The following RBKS variants were observed in gnomAD, a reference collection of about 807,000 sequenced individuals.
RBKS encodes the protein ribokinase.
In RBKS, 33 loss-of-function variants were observed where a neutral mutation model predicts 33.9. The observed-to-expected ratio is 0.97, with a 90% CI of 0.74 to 1.30. The LOEUF is 1.30. RBKS is among the 50% of genes most tolerant of loss of function. RBKS has a pLI of 0.00. For synonymous variants in RBKS, 125 were observed against 143.0 expected, an observed-to-expected ratio of 0.87 and a Z score of 0.90; for missense variants, 361 against 392.6, an observed-to-expected ratio of 0.92 and a Z score of 0.68.
chr2:27,890,265 G>C lies in RBKS; in HGVS notation c.81C>G (p.Asp27Glu). Residue 27 changes from aspartate to glutamate, a missense_variant, in exon 1 of 8, where the codon GAC becomes GAG. Asp to Glu is a conservative substitution (Grantham distance 45). Transcript: ENST00000302188. This position sits in a 1 kb window ranked among gnomAD's most constrained non-coding sequence, Gnocchi z 4.8. ...ACTGGCCCCGGACTAACCTGACCAG[G>C]TCGGTCATGCAGGAGCCCACCACTA... Reference protein sequence around the residue: ...AVVVVGSCMTDLVSLTSRLPK... With the variant: ...AVVVVGSCMTELVSLTSRLPK... 1 of 1,613,658 alleles carries C rather than the reference G, an allele frequency of 6.2e-7. No individual in the cohort carries two copies.
intron 1 of RBKS, among the ~76,000 whole-genome samples, chr2:27,864,998 C>G (rs879848466): frequency 1.3e-5 from 2 of 152,226 alleles, no homozygotes; most frequent in African/African-American, 2.4e-5. Context: ...CTCCACAGGT[C>G]TTTAACTTCC....
chr2:27,830,771 A>G (rs1405721652), intron 6 of RBKS, among the ~76,000 whole-genome samples: 3 of 152,182 alleles, frequency 2.0e-5, no homozygotes, highest in Non-Finnish European at 4.4e-5. Context: ...CACTGTGCCA[A>G]TGACAATCTT....
chr2:27,871,703 G>A (rs1259328888), intron 1 of RBKS, among the ~76,000 whole-genome samples: 1 of 152,178 alleles, frequency 6.6e-6, no homozygotes, highest in Non-Finnish European at 1.5e-5. Context: ...GCTACCAGAT[G>A]CAGCTGTACA....
chr2:27,880,469 G>C (rs1229108431), intron 1 of RBKS, among the ~76,000 whole-genome samples: 4 of 152,170 alleles, frequency 2.6e-5, no homozygotes, highest in African/African-American at 7.2e-5. Context: ...AGTAGGAAGA[G>C]AGGAAGTCAA....
intron 7 of RBKS, among the ~76,000 whole-genome samples, chr2:27,819,296 G>A (rs905965291): frequency 2.0e-5 from 3 of 152,066 alleles, no homozygotes; most frequent in Non-Finnish European, 4.4e-5. Flanking sequence ...GAGAGAGAGA[G>A]AAAAAGGGAG....
chr2:27,847,509 G>A (rs1314642450), intron 3 of RBKS, among the ~76,000 whole-genome samples: 1 of 152,162 alleles, frequency 6.6e-6, no homozygotes, highest in South Asian at 2.1e-4. Flanking sequence ...TCATAAGCTT[G>A]TTATTTCACC....
intron 5 of RBKS, among the ~76,000 whole-genome samples, chr2:27,835,516 T>A (rs1454258814): frequency 8.0e-6 from 1 of 124,832 alleles, no homozygotes; most frequent in African/African-American, 3.1e-5. Context: ...CCTCCCAGAC[T>A]CAAGTGATCC....
chr2:27,810,310 G>A lies in RBKS; in HGVS notation c.795+17257C>T, dbSNP rs1339019239. The stretch of plus-strand genomic sequence containing the variant: ...GGGCAAGTATCTGAACTAGCATTAT[G>A]TTGCAAAAGAGTTACCTTCAAATGT... On this transcript the variant is annotated intron_variant, in intron 7 of 7. Transcript: ENST00000302188. This position sits in a 1 kb window ranked among gnomAD's most constrained non-coding sequence, Gnocchi z 4.4. 6.6e-6 allele frequency among the ~76,000 whole-genome samples: 1 copy of A among 152,134 alleles called. No individual in the cohort carries two copies. The highest frequency in any genetic ancestry group is 1.5e-5 in the Non-Finnish European group (1 of 68,020).
Position 27,890,189 on chromosome 2 carries a change from CTGGGCGCA to C in RBKS, c.89+60_89+67del. The C allele has an allele frequency of 6.7e-7, 1 of 1,488,234 alleles. No homozygotes were observed. Among genetic ancestry groups the C allele is most frequent in the Non-Finnish European group, 9.3e-7 (1 of 1,074,656 alleles). 92.2% of individuals were successfully genotyped at this position (1,488,234 alleles called of 1,614,324 possible). A position where few individuals can be genotyped will look rare whatever the true frequency, so the allele number is the denominator to read the frequency against. On this transcript the variant is annotated intron_variant, in intron 1 of 7. Coordinates refer to ENST00000302188, the MANE Select transcript of RBKS (RefSeq NM_022128.3). The surrounding 1 kb of genome is among the most constrained non-coding windows in gnomAD (Gnocchi z 4.8). ...GGAGACCCAGCGCCCAAAAGCTCCA[CTGGGCGCA>C]TAGCGCACGGCACGCCTCCTCCCCC...
chr2:27,813,819 C>T (rs141214235), intron 7 of RBKS, among the ~76,000 whole-genome samples: 116 of 152,190 alleles, frequency 7.6e-4, no homozygotes, highest in African/African-American at 2.7e-3. Flanking sequence ...AGAAGAGTCA[C>T]GAGCAGTATA....
chr2:27,838,933 TA>T (rs1274945156), intron 5 of RBKS, among the ~76,000 whole-genome samples: 3 of 152,218 alleles, frequency 2.0e-5, no homozygotes, highest in Non-Finnish European at 4.4e-5. Context: ...AGCAGTTGTA[TA>T]GGCTAAAAGG....
intron 1 of RBKS, among the ~76,000 whole-genome samples, chr2:27,876,682 T>A (rs1243952877): frequency 6.6e-6 from 1 of 152,120 alleles, no homozygotes; most frequent in Non-Finnish European, 1.5e-5. Context: ...AGGGAGTTAT[T>A]GTTTAATAAG....
chr2:27,827,640 C>G lies in RBKS; in HGVS notation c.722G>C (p.Cys241Ser), dbSNP rs776420992. Residue 241 changes from cysteine (C) to serine (S), a missense_variant, in exon 7 of 8, where the codon TGT becomes TCT. By Grantham distance (112) the Cys-to-Ser change is moderately radical. Coordinates refer to ENST00000302188, the MANE Select transcript of RBKS (RefSeq NM_022128.3). ...VVIITLGAEG[C>S]VVLSQTEPEP... The stretch of plus-strand genomic sequence containing the variant: ...AGGTTCTGTCTGTGACAGCACCACA[C>G]ATCCTTCAGCCCCTAAGGTAATGAT... 6.2e-7 allele frequency: 1 copy of G among 1,613,946 alleles called. No homozygotes were observed. Among genetic ancestry groups the G allele is most frequent in the Non-Finnish European group, 8.5e-7 (1 of 1,179,930 alleles).
intron 1 of RBKS, chr2:27,861,540 G>A (rs1456731479): frequency 4.2e-6 from 2 of 471,020 alleles, no homozygotes; most frequent in Non-Finnish European, 8.8e-6. Flanking sequence ...GTGTCCTGAT[G>A]TATCTCCTAC....
intron 1 of RBKS, among the ~76,000 whole-genome samples, chr2:27,885,366 TTA>T (rs1664507991): frequency 6.6e-6 from 1 of 152,224 alleles, no homozygotes; most frequent in East Asian, 1.9e-4. Flanking sequence ...AGAGATCCTA[TTA>T]TAATCAAAAT....
At chr2:27,851,052 A>G (rs1222604710) in intron 2 of RBKS, among the ~76,000 whole-genome samples, 1 of 152,108 alleles carries the variant, frequency 6.6e-6, no homozygotes, top group South Asian at 2.1e-4. Flanking sequence ...CCTCTGAACT[A>G]TACTTCTGAA....
At chr2:27,847,854 G>A (rs190770653) in intron 3 of RBKS, among the ~76,000 whole-genome samples, 180 bp downstream of exon 3, 3 of 152,276 alleles carry the variant, frequency 2.0e-5, no homozygotes, top group Non-Finnish European at 4.4e-5. Flanking sequence ...CCCATCTGGA[G>A]GAATGTACAG....
At chr2:27,849,000 G>A (rs561573706) in intron 2 of RBKS, among the ~76,000 whole-genome samples, 3 of 152,216 alleles carry the variant, frequency 2.0e-5, no homozygotes, top group African/African-American at 7.2e-5. Context: ...CTGGCTATAA[G>A]AGAATGTAAG....
intron 7 of RBKS, chr2:27,809,841 A>T: frequency 2.1e-6 from 2 of 939,006 alleles, no homozygotes; most frequent in Non-Finnish European, 1.5e-6. Flanking sequence ...ATTAGCACCA[A>T]CCACAGGTTC....
Sources: gnomAD v4.1 joint callset for allele counts (sites outside exome capture counted in the v4.1 genomes callset) on GRCh38, gnomAD v4.1.1 for gene constraint, Gnocchi (gnomAD v3.1) non-coding constraint, MANE v1.5 for transcripts, NCBI Gene and HGNC (gene_info 2026-07-23, HGNC 2026-07-21) for gene names.